Variants in CCSER1 observed in about 807,000 individuals in gnomAD.
CCSER1 encodes the protein coiled-coil serine rich protein 1.
CCSER1 carries 41 observed loss-of-function variants against 82.0 expected under a neutral mutation model. That is an observed-to-expected ratio of 0.50 (90% CI 0.39 to 0.65). The LOEUF (loss-of-function observed/expected upper bound fraction) is 0.65, where lower values mean the gene tolerates loss of function less well. Among genes scored for constraint, CCSER1 ranks in the 30% least tolerant of loss-of-function variants. The pLI is 0.00. For synonymous variants in CCSER1, 414 were observed against 383.9 expected, an observed-to-expected ratio of 1.08 and a Z score of -0.92; for missense variants, 1,119 against 1,064.2, an observed-to-expected ratio of 1.05 and a Z score of -0.72.
chr4:91,281,945 G>A (rs1016224411), intron 10 of CCSER1, among the ~76,000 whole-genome samples: 1 of 151,980 alleles, frequency 6.6e-6, no homozygotes, highest in Non-Finnish European at 1.5e-5. Flanking sequence ...TTTTTAGTTT[G>A]TATTTTGATA....
At chr4:90,241,133 G>A (rs1472500678) in intron 1 of CCSER1, among the ~76,000 whole-genome samples, 2 of 152,190 alleles carry the variant, frequency 1.3e-5, no homozygotes, top group African/African-American at 2.4e-5. Flanking sequence ...GCACTAAGGA[G>A]CATGCGAGTG....
intron 9 of CCSER1, among the ~76,000 whole-genome samples, chr4:90,983,892 G>C (rs1736350987): frequency 6.6e-6 from 1 of 151,672 alleles, no homozygotes; most frequent in African/African-American, 2.4e-5. Flanking sequence ...ATCACACACT[G>C]TTTATACGAT....
chr4:90,546,994 G>A (rs1407500346), intron 5 of CCSER1, among the ~76,000 whole-genome samples: 3 of 151,946 alleles, frequency 2.0e-5, no homozygotes, highest in African/African-American at 7.2e-5. Flanking sequence ...CATACTTAAG[G>A]CTGTCATGTT....
intron 9 of CCSER1, among the ~76,000 whole-genome samples, chr4:90,998,146 T>C (rs1431401095): frequency 6.6e-6 from 1 of 152,176 alleles, no homozygotes; most frequent in African/African-American, 2.4e-5. Context: ...AATGGCGCGA[T>C]CTTGGCTCAC....
At chr4:91,530,667 G>T (rs987061617) in intron 10 of CCSER1, among the ~76,000 whole-genome samples, 1 of 147,066 alleles carries the variant, frequency 6.8e-6, no homozygotes, top group South Asian at 2.1e-4. Flanking sequence ...CTGTTATAAA[G>T]AATTGTATTT....
chr4:91,180,136 ACAG>A (rs1273562973), intron 10 of CCSER1, among the ~76,000 whole-genome samples: 2 of 152,190 alleles, frequency 1.3e-5, no homozygotes, highest in Non-Finnish European at 2.9e-5. Context: ...ATATTGCAGA[ACAG>A]CAGTTGTTGC....
intron 10 of CCSER1, among the ~76,000 whole-genome samples, chr4:91,153,894 G>A (rs1269085794): frequency 6.6e-6 from 1 of 151,870 alleles, no homozygotes; most frequent in Non-Finnish European, 1.5e-5. Flanking sequence ...GGGGCCCCCG[G>A]CTGTATGAGG....
chr4:91,379,811 G>C (rs1399915861), intron 10 of CCSER1, among the ~76,000 whole-genome samples: 2 of 152,072 alleles, frequency 1.3e-5, no homozygotes, highest in African/African-American at 2.4e-5. Flanking sequence ...GTTTGCTCTT[G>C]CTTTCTAGTT....
chr4:91,214,174 G>T (rs1737056083), intron 10 of CCSER1, among the ~76,000 whole-genome samples: 1 of 152,062 alleles, frequency 6.6e-6, no homozygotes, highest in Non-Finnish European at 1.5e-5. Context: ...AACCACACTT[G>T]AATTTCTTCT....
chr4:91,003,056 G>A (rs1188517746), intron 9 of CCSER1, among the ~76,000 whole-genome samples: 1 of 152,136 alleles, frequency 6.6e-6, no homozygotes, highest in Non-Finnish European at 1.5e-5. Context: ...CCAGGCTCCA[G>A]GCTGGTACCG....
intron 1 of CCSER1, among the ~76,000 whole-genome samples, chr4:90,137,441 T>A (rs1240179579): frequency 6.6e-6 from 1 of 152,108 alleles, no homozygotes; most frequent in East Asian, 1.9e-4. Context: ...AATTCTAGCC[T>A]GGCTTGGAAC....
intron 10 of CCSER1, among the ~76,000 whole-genome samples, chr4:91,154,073 G>A (rs935126394): frequency 1.3e-5 from 2 of 151,968 alleles, no homozygotes; most frequent in African/African-American, 2.4e-5. Flanking sequence ...AGAAGTTTCT[G>A]CTACCTTTTG....
intron 9 of CCSER1, among the ~76,000 whole-genome samples, chr4:90,965,841 G>A (rs951191827): frequency 6.6e-6 from 1 of 152,112 alleles, no homozygotes; most frequent in Non-Finnish European, 1.5e-5. Context: ...TATTTAAGAA[G>A]TGATGGAAGC....
chr4:90,503,584 C>A (rs1417876140), intron 5 of CCSER1, among the ~76,000 whole-genome samples: 3 of 151,980 alleles, frequency 2.0e-5, no homozygotes, highest in Non-Finnish European at 4.4e-5. Flanking sequence ...CATAACAGGC[C>A]CCAGTGTGTG....
chr4:90,698,438 T>C (rs540528959), intron 6 of CCSER1, among the ~76,000 whole-genome samples: 2 of 152,274 alleles, frequency 1.3e-5, no homozygotes, highest in African/African-American at 4.8e-5. Context: ...AATATGATGT[T>C]TCAAATCCAA....
rs751331396 is a variant in CCSER1 at position 90,460,324 on chromosome 4, C to CAAA, written c.1604-7891_1604-7889dup. 7.1e-4 allele frequency among the ~76,000 whole-genome samples: 23 copies of CAAA among 32,578 alleles called. 2 individuals carry two copies. Among genetic ancestry groups the CAAA allele is most frequent in the African/African-American group, 1.3e-3 (9 of 6,882 alleles). The allele number at this position is 32,578 out of a possible 152,430, so 21.4% of individuals were successfully genotyped here. On this transcript the variant is annotated intron_variant, in intron 4 of 10. Coordinates refer to ENST00000509176, the MANE Select transcript of CCSER1 (RefSeq NM_001145065.2). ...TGGGCGACAGAGCGAAACTCCGTCT[C>CAAA]AAAAAAAAAAAAAAAAAAAAACTAA...
At chr4:90,542,120 T>C (rs1257251298) in intron 5 of CCSER1, among the ~76,000 whole-genome samples, 3 of 152,048 alleles carry the variant, frequency 2.0e-5, no homozygotes, top group Non-Finnish European at 4.4e-5. Context: ...CTTTGAATTG[T>C]GATAAAAGAA....
chr4:91,251,050 AC>A (rs1308162120), intron 10 of CCSER1, among the ~76,000 whole-genome samples: 1 of 152,182 alleles, frequency 6.6e-6, no homozygotes, highest in African/African-American at 2.4e-5. Flanking sequence ...AAGTAGGTAT[AC>A]CCATTGTCCT....
At chr4:91,548,563 AT>A (rs35863550) in intron 10 of CCSER1, among the ~76,000 whole-genome samples, 83,250 of 146,562 alleles carry the variant, frequency 0.57, 23,343 homozygotes, top group African/African-American at 0.62. Context: ...AATTCCTTCA[AT>A]TTTTTTTTTT....
Sources: allele counts gnomAD v4.1 joint callset (sites outside exome capture counted in the v4.1 genomes callset), GRCh38; gene constraint gnomAD v4.1.1; transcripts MANE v1.5; gene names NCBI Gene and HGNC (gene_info 2026-07-23, HGNC 2026-07-21).